The following TBC1D23 variants were observed in gnomAD, a reference collection of about 807,000 sequenced individuals.
TBC1D23 encodes the protein HCV non-structural protein 4A-transactivated protein 1.
A neutral mutation model predicts 91.4 loss-of-function variants in TBC1D23; 55 were observed. That is an observed-to-expected ratio of 0.60 (90% confidence interval 0.48 to 0.75). The LOEUF is 0.75. Ranked by LOEUF, TBC1D23 falls within the 30% of genes least tolerant of loss-of-function variation. The pLI, the probability that TBC1D23 is intolerant of heterozygous loss-of-function variation, is 0.00. For missense variants in TBC1D23, 725 were observed against 836.1 expected (o/e 0.87, Z 1.64); for synonymous variants, 289 against 281.0 (o/e 1.03, Z -0.28).
At chr3:100,262,805 AATC>A (rs1360146819) in intron 1 of TBC1D23, among the ~76,000 whole-genome samples, 1 of 151,976 alleles carries the variant, frequency 6.6e-6, no homozygotes, top group East Asian at 1.9e-4. Flanking sequence ...TTCAACATGT[AATC>A]ATTGTTTAAA....
At chr3:100,289,492 A>G (rs2067771725) in intron 4 of TBC1D23, among the ~76,000 whole-genome samples, 2 of 152,190 alleles carry the variant, frequency 1.3e-5, no homozygotes, top group African/African-American at 2.4e-5. Context: ...TGGAAAGAGG[A>G]AGTAACTATA....
intron 1 of TBC1D23, among the ~76,000 whole-genome samples, chr3:100,264,762 C>T (rs2067544562): frequency 6.6e-6 from 1 of 152,130 alleles, no homozygotes; most frequent in Non-Finnish European, 1.5e-5. Flanking sequence ...CAGGATGGAC[C>T]TTGAAGATCT....
chr3:100,305,137 A>T (rs1239216638), intron 12 of TBC1D23, among the ~76,000 whole-genome samples: 1 of 152,198 alleles, frequency 6.6e-6, no homozygotes, highest in Non-Finnish European at 1.5e-5. Flanking sequence ...TTTTGTAAAG[A>T]TGAATGAAAA....
chr3:100,270,385 A>G (rs909087297), intron 1 of TBC1D23, among the ~76,000 whole-genome samples: 1 of 152,172 alleles, frequency 6.6e-6, no homozygotes. Context: ...AAAGATGACT[A>G]ATGACTTCTG....
chr3:100,281,446 T>C (rs1308139407), intron 2 of TBC1D23, among the ~76,000 whole-genome samples: 1 of 152,242 alleles, frequency 6.6e-6, no homozygotes, highest in Non-Finnish European at 1.5e-5. Context: ...CAGTACATTC[T>C]GTTGTTTTTA....
intron 1 of TBC1D23, 196 bp from the exon 2 acceptor site, chr3:100,279,453 A>G (rs893831054): frequency 7.4e-6 from 3 of 403,918 alleles, no homozygotes; most frequent in African/African-American, 6.2e-5. Context: ...TAAGGGTAAA[A>G]TGAGAGTAAA....
chr3:100,283,460 A>G, intron 3 of TBC1D23, 147 bp from the exon 4 acceptor site: 2 of 601,504 alleles, frequency 3.3e-6, no homozygotes, highest in Non-Finnish European at 5.9e-6. Context: ...TAAAATAAGT[A>G]TAAGGGAAAA....
At chr3:100,317,284 T>C (rs1705766300) in intron 16 of TBC1D23, among the ~76,000 whole-genome samples, 1 of 152,136 alleles carries the variant, frequency 6.6e-6, no homozygotes, top group Admixed American at 6.5e-5. Flanking sequence ...AAATCTCACC[T>C]TGCTTTTTCC....
intron 13 of TBC1D23, among the ~76,000 whole-genome samples, chr3:100,307,226 T>G (rs1285167002): frequency 6.6e-6 from 1 of 152,240 alleles, no homozygotes; most frequent in Non-Finnish European, 1.5e-5. Context: ...GTCAGTTGAA[T>G]TAGATGTCAT....
chr3:100,276,233 C>A (rs2067647578), intron 1 of TBC1D23, among the ~76,000 whole-genome samples: 1 of 151,282 alleles, frequency 6.6e-6, no homozygotes, highest in South Asian at 2.1e-4. Context: ...GGAGGAAAAC[C>A]GAATTTAGAA....
intron 1 of TBC1D23, among the ~76,000 whole-genome samples, chr3:100,262,897 T>A (rs1045087971): frequency 6.6e-6 from 1 of 152,144 alleles, no homozygotes; most frequent in Admixed American, 6.6e-5. Flanking sequence ...TATATTTCAA[T>A]TTGGTCTAGC....
At position 100,304,837 on chromosome 3, in the gene TBC1D23, C is replaced by A; in HGVS notation, c.1264-9C>A. ...TTTGGAAGAATTTAAATTTTCTTTT[C>A]CATTACAGAAAAACAAAGAATATGT... On this transcript the variant is annotated splice_polypyrimidine_tract_variant and intron_variant, in intron 11 of 18. Transcript: ENST00000394144. 2.8e-6 allele frequency: 4 copies of A among 1,407,906 alleles called. No homozygotes were observed. Among genetic ancestry groups the A allele is most frequent in the Non-Finnish European group, 4.0e-6 (4 of 995,668 alleles). The allele number at this position is 1,407,906 out of a possible 1,614,324, so 87.2% of individuals were successfully genotyped here. A position where few individuals can be genotyped will look rare whatever the true frequency, so the allele number is the denominator to read the frequency against.
intron 17 of TBC1D23, among the ~76,000 whole-genome samples, chr3:100,320,148 G>A (rs1263187904): frequency 2.0e-5 from 3 of 151,894 alleles, no homozygotes; most frequent in Admixed American, 6.6e-5. Flanking sequence ...TTCTCTTCAT[G>A]ATGAATGAAT....
intron 1 of TBC1D23, among the ~76,000 whole-genome samples, chr3:100,278,771 C>T (rs1317549052): frequency 1.3e-5 from 2 of 152,184 alleles, no homozygotes; most frequent in African/African-American, 4.8e-5. Flanking sequence ...TTACCTTATA[C>T]AAATGAAATT....
At chr3:100,318,132 A>G (rs1481350890) in intron 16 of TBC1D23, among the ~76,000 whole-genome samples, 1 of 151,854 alleles carries the variant, frequency 6.6e-6, no homozygotes, top group Non-Finnish European at 1.5e-5. Flanking sequence ...TGAGAGTTTC[A>G]CTTTTGTTTA....
chr3:100,303,900 A>AT (rs973902983), intron 11 of TBC1D23, among the ~76,000 whole-genome samples: 5 of 152,058 alleles, frequency 3.3e-5, no homozygotes, highest in Non-Finnish European at 5.9e-5. Context: ...GGTTTTATAC[A>AT]TTTTTTCCCC....
intron 8 of TBC1D23, among the ~76,000 whole-genome samples, chr3:100,297,548 G>T (rs1705321559): frequency 1.3e-5 from 2 of 152,242 alleles, no homozygotes; most frequent in South Asian, 4.1e-4. Context: ...AATTAGAGCA[G>T]GCTGTGGATC....
chr3:100,269,273 C>T (rs1488808820), intron 1 of TBC1D23, among the ~76,000 whole-genome samples: 1 of 152,196 alleles, frequency 6.6e-6, no homozygotes, highest in Non-Finnish European at 1.5e-5. Context: ...CTAGAGATTA[C>T]ATTATTCATA....
rs186249709 is a variant in TBC1D23 at position 100,306,615 on chromosome 3, C to T, written c.1413+72C>T. 11 of 819,344 alleles carry T rather than the reference C, an allele frequency of 1.3e-5. No homozygotes were observed. In the African/African-American group the frequency reaches 1.7e-4, roughly 13 times the overall value. The allele number at this position is 819,344 out of a possible 1,614,324, so 50.8% of individuals were successfully genotyped here. On this transcript the variant is annotated intron_variant, in intron 13 of 18. Transcript: ENST00000394144. ...GAAAAGGTGATTAACTACTAAACCCCCACCATAACAGAAATGGAGTCAAAA... is the reference window on the plus strand; with the variant it reads ...GAAAAGGTGATTAACTACTAAACCCTCACCATAACAGAAATGGAGTCAAAA...
Sources: allele counts gnomAD v4.1 joint callset (sites outside exome capture counted in the v4.1 genomes callset), GRCh38; gene constraint gnomAD v4.1.1; transcripts MANE v1.5; gene names NCBI Gene and HGNC (gene_info 2026-07-23, HGNC 2026-07-21).